Variants in HS3ST2 observed in about 807,000 individuals in gnomAD.
HS3ST2 encodes the protein heparan sulfate glucosamine 3-O-sulfotransferase 2.
Under a neutral mutation model 26.3 loss-of-function variants are expected in HS3ST2, and 17 were observed. The ratio of observed to expected loss-of-function variants is 0.65; its 90% CI spans 0.44 to 0.97. The LOEUF is 0.97. Among genes scored for constraint, HS3ST2 ranks in the 50% least tolerant of loss-of-function variants. The pLI is 0.00. For missense variants in HS3ST2, 402 were observed against 501.2 expected (o/e 0.80, Z 1.89); for synonymous variants, 237 against 219.2 (o/e 1.08, Z -0.72).
chr16:22,843,656 C>T (rs1159697354), intron 1 of HS3ST2, among the ~76,000 whole-genome samples: 2 of 152,130 alleles, frequency 1.3e-5, no homozygotes, highest in Admixed American at 6.5e-5. Context: ...TTCATGGAGG[C>T]GGGGTGCATC....
chr16:22,844,755 C>T (rs553845703), intron 1 of HS3ST2, among the ~76,000 whole-genome samples: 63 of 152,298 alleles, frequency 4.1e-4, no homozygotes, highest in African/African-American at 1.5e-3. Flanking sequence ...TCACCTTTAC[C>T]TTCACCTTCC....
intron 1 of HS3ST2, among the ~76,000 whole-genome samples, chr16:22,817,326 T>C (rs1380887941): frequency 6.6e-6 from 1 of 152,052 alleles, no homozygotes; most frequent in Admixed American, 6.6e-5. Flanking sequence ...GCTGGGAGGC[T>C]CCAGTGTCAG....
At chr16:22,890,561 G>C (rs1766907737) in intron 1 of HS3ST2, among the ~76,000 whole-genome samples, 1 of 152,128 alleles carries the variant, frequency 6.6e-6, no homozygotes, top group South Asian at 2.1e-4. Flanking sequence ...ATATATCTTT[G>C]TTTTGTCAAA....
chr16:22,866,292 GA>G (rs1901748262), intron 1 of HS3ST2, among the ~76,000 whole-genome samples: 2 of 152,088 alleles, frequency 1.3e-5, no homozygotes, highest in South Asian at 2.1e-4. Flanking sequence ...GATTTTGGCA[GA>G]GGGGAGAATT....
intron 1 of HS3ST2, among the ~76,000 whole-genome samples, chr16:22,879,871 T>C (rs1372042899): frequency 6.6e-6 from 1 of 152,022 alleles, no homozygotes; most frequent in African/African-American, 2.4e-5. Context: ...AGCATGGGGA[T>C]TTTTCATGAC....
intron 1 of HS3ST2, among the ~76,000 whole-genome samples, chr16:22,832,649 G>A (rs528716570): frequency 6.4e-4 from 97 of 152,046 alleles, no homozygotes; most frequent in African/African-American, 2.2e-3. Context: ...GATACTGGAA[G>A]GCAGCTATGG....
At chr16:22,821,928 G>A (rs1412191127) in intron 1 of HS3ST2, among the ~76,000 whole-genome samples, 7 of 152,180 alleles carry the variant, frequency 4.6e-5, no homozygotes, top group Non-Finnish European at 1.0e-4. Context: ...TCCTGGGCAT[G>A]GGTCCATTGG....
intron 1 of HS3ST2, among the ~76,000 whole-genome samples, chr16:22,815,364 A>G (rs1900848791): frequency 6.6e-6 from 1 of 152,204 alleles, no homozygotes; most frequent in African/African-American, 2.4e-5. Context: ...AGTGCCAGCT[A>G]AAGGGCTAAC....
At chr16:22,878,718 A>G (rs1372854596) in intron 1 of HS3ST2, among the ~76,000 whole-genome samples, 2 of 152,126 alleles carry the variant, frequency 1.3e-5, no homozygotes, top group Non-Finnish European at 2.9e-5. Context: ...GGGTGTTCCA[A>G]TTTTAGACAG....
intron 1 of HS3ST2, among the ~76,000 whole-genome samples, chr16:22,879,494 G>T (rs575789563): frequency 6.6e-6 from 1 of 152,292 alleles, no homozygotes; most frequent in African/African-American, 2.4e-5. Flanking sequence ...TGGGGTGGGG[G>T]TGATGAGCAC....
At chr16:22,876,182 C>T (rs1035605865) in intron 1 of HS3ST2, among the ~76,000 whole-genome samples, 12 of 151,992 alleles carry the variant, frequency 7.9e-5, no homozygotes, top group African/African-American at 2.9e-4. Context: ...AAAATGTCAG[C>T]TATAGCAAAC....
chr16:22,914,763 A>G (rs76042109), intron 1 of HS3ST2, among the ~76,000 whole-genome samples, 181 bp from the exon 2 acceptor site: 2,621 of 118,506 alleles, frequency 0.022, 163 homozygotes, highest in African/African-American at 0.074. Context: ...AAAAAAAAAA[A>G]AGAGAAGAAA....
chr16:22,878,425 A>T (rs1232592756), intron 1 of HS3ST2, among the ~76,000 whole-genome samples: 1 of 152,226 alleles, frequency 6.6e-6, no homozygotes, highest in Admixed American at 6.5e-5. Context: ...AAGGGAGATT[A>T]GTACATGTTC....
rs118132739 is a variant in HS3ST2, at chr16:22,846,630, G to A, written c.485+31535G>A. On this transcript the variant is annotated intron_variant, in intron 1 of 1. Coordinates refer to ENST00000261374, the MANE Select transcript of HS3ST2 (RefSeq NM_006043.2). ...GACTGGCAAAAATCAGAAAAATGCC[G>A]CATGTTGGAGTCATGAGAGGTTCGA... 8.5e-5 allele frequency among the ~76,000 whole-genome samples: 13 copies of A among 152,248 alleles called. 1 individual carries two copies. In the East Asian group the frequency reaches 2.3e-3, roughly 27 times the overall value.
rs556786681 is a variant in HS3ST2 at position 22,914,649 on chromosome 16, A to G, written c.486-295A>G. On this transcript the variant is annotated intron_variant, in intron 1 of 1. Transcript: ENST00000261374. ...GATGGGAAGATGGGAAGATGGGAAG[A>G]TAGCCTGATCCCAGGAGTTGGAAGC... 1.8e-3 allele frequency among the ~76,000 whole-genome samples: 267 copies of G among 144,374 alleles called. 2 individuals are homozygous for G. Among genetic ancestry groups the G allele is most frequent in the African/African-American group, 6.5e-3 (259 of 39,812 alleles). 94.7% of individuals were successfully genotyped at this position (144,374 alleles called of 152,430 possible).
In HS3ST2 at chr16:22,914,966, G is replaced by A. The variant is rs768644712; in HGVS notation, c.508G>A (p.Glu170Lys). Residue 170 changes from glutamate to lysine, a missense_variant, in exon 2 of 2, where the codon GAG becomes AAG. Physicochemically the swap from Glu to Lys is moderately conservative, Grantham distance 56. Transcript: ENST00000261374. ...CAGGAGCCTGATGCCCAGGACCCTCGAGAGCCAGATCACGCTGGAGAAGAC... is the reference window on the plus strand; with the variant it reads ...CAGGAGCCTGATGCCCAGGACCCTCAAGAGCCAGATCACGCTGGAGAAGAC... ...WYRSLMPRTL[E>K]SQITLEKTPS... is the part of the protein sequence containing the mutation. 18 of 1,612,840 alleles carry A rather than the reference G, an allele frequency of 1.1e-5. No individual in the cohort carries two copies. The highest frequency in any genetic ancestry group is 1.0e-4 in the Admixed American group (6 of 59,958).
At position 22,868,873 on chromosome 16, in the gene HS3ST2, T is replaced by C. The variant is rs1435165841; in HGVS notation, c.486-46071T>C. Among the ~76,000 whole-genome samples the C allele has an allele frequency of 2.6e-5, 4 of 152,134 alleles. No individual in the cohort carries two copies. In the East Asian group the frequency reaches 7.7e-4, roughly 29 times the overall value. ...TTCATTTTTAAAATACATGGACCCA[T>C]TAGTGTCAGTAATTAGACATTAACT... On this transcript the variant is annotated intron_variant, in intron 1 of 1. Coordinates refer to ENST00000261374, the MANE Select transcript of HS3ST2 (RefSeq NM_006043.2).
intron 1 of HS3ST2, among the ~76,000 whole-genome samples, chr16:22,869,618 A>G (rs1204396967): frequency 2.0e-5 from 3 of 152,214 alleles, no homozygotes; most frequent in Non-Finnish European, 4.4e-5. Flanking sequence ...GCTTGTGCAG[A>G]GAAACTCCCC....
At chr16:22,815,200 A>G (rs1310866527) in intron 1 of HS3ST2, 105 bp downstream of exon 1, 3 of 1,423,098 alleles carry the variant, frequency 2.1e-6, no homozygotes, top group African/African-American at 2.9e-5. Context: ...AACTCATTGT[A>G]TGGGTTCAGG....
Sources: gnomAD v4.1 joint callset for allele counts (sites outside exome capture counted in the v4.1 genomes callset) on GRCh38, gnomAD v4.1.1 for gene constraint, MANE v1.5 for transcripts, NCBI Gene and HGNC (gene_info 2026-07-23, HGNC 2026-07-21) for gene names.